BNC2: variants seen among roughly 807,000 people sequenced by gnomAD.
The protein encoded by BNC2 is zinc finger protein basonuclin-2.
A neutral mutation model predicts 76.3 loss-of-function variants in BNC2; 20 were observed. That is an observed-to-expected ratio of 0.26 (90% CI 0.18 to 0.38). BNC2 has a LOEUF of 0.38. BNC2 is among the 10% of genes least tolerant of loss of function. The pLI is 1.00. For synonymous variants in BNC2, 582 were observed against 514.8 expected, an observed-to-expected ratio of 1.13 and a Z score of -1.77; for missense variants, 1,382 against 1,399.8, an observed-to-expected ratio of 0.99 and a Z score of 0.20.
At chr9:16,866,976 G>C (rs1436032713) in intron 1 of BNC2, among the ~76,000 whole-genome samples, 1 of 152,106 alleles carries the variant, frequency 6.6e-6, no homozygotes, top group Non-Finnish European at 1.5e-5. Flanking sequence ...AAATCAGAAA[G>C]CGTTGCTCCT....
chr9:16,435,204 C>T, intron 6 of BNC2: 1 of 384,958 alleles, frequency 2.6e-6, no homozygotes, highest in Non-Finnish European at 5.0e-6. Flanking sequence ...ATAACAGAAG[C>T]TGTGGCTTCT....
chr9:16,642,179 TAATAC>T (rs977434818), intron 3 of BNC2, among the ~76,000 whole-genome samples: 6 of 152,202 alleles, frequency 3.9e-5, no homozygotes, highest in African/African-American at 1.4e-4. Flanking sequence ...ACACCTAATA[TAATAC>T]AAGTTTTGTT....
Position 16,549,484 on chromosome 9 carries a change from C to T in BNC2, c.669+3046G>A, listed in dbSNP as rs114442757. ...ATTGAGTTTTAGCCAGATAAAATGA[C>T]TTGTACACTAATAGAGCATTATGGG... On this transcript the variant is annotated intron_variant, in intron 5 of 6. Transcript: ENST00000380672. Among the ~76,000 whole-genome samples the T allele has an allele frequency of 2.3e-3, 352 of 152,312 alleles. 2 individuals are homozygous for T. Among genetic ancestry groups the T allele is most frequent in the African/African-American group, 8.2e-3 (339 of 41,566 alleles).
chr9:16,641,610 A>T (rs1821494025), intron 3 of BNC2, among the ~76,000 whole-genome samples: 1 of 152,206 alleles, frequency 6.6e-6, no homozygotes, highest in South Asian at 2.1e-4. Flanking sequence ...TTCGGATGCA[A>T]ATTACATATT....
chr9:16,597,397 C>T (rs541476536), intron 3 of BNC2, among the ~76,000 whole-genome samples: 1 of 152,252 alleles, frequency 6.6e-6, no homozygotes, highest in African/African-American at 2.4e-5. Context: ...CCCAGTTGTA[C>T]AGTGAAATTT....
At chr9:16,832,226 T>C (rs535050737) in intron 1 of BNC2, 2 of 1,193,798 alleles carry the variant, frequency 1.7e-6, no homozygotes, top group African/African-American at 1.6e-5. Flanking sequence ...TATGAAACTA[T>C]TACATGTAGT....
intron 5 of BNC2, among the ~76,000 whole-genome samples, chr9:16,449,167 C>T (rs932605254): frequency 2.6e-5 from 4 of 152,132 alleles, no homozygotes; most frequent in South Asian, 2.1e-4. Context: ...GTAATAACGG[C>T]GTCTGCGTGC....
chr9:16,575,965 G>A (rs1189425914), intron 4 of BNC2, among the ~76,000 whole-genome samples: 1 of 152,156 alleles, frequency 6.6e-6, no homozygotes, highest in Non-Finnish European at 1.5e-5. Flanking sequence ...ACCAGCTTCC[G>A]CTTTTTCCAA....
chr9:16,642,833 G>C (rs899127336), intron 3 of BNC2, among the ~76,000 whole-genome samples: 3 of 152,196 alleles, frequency 2.0e-5, no homozygotes, highest in Admixed American at 2.0e-4. Flanking sequence ...AGAAGGTACA[G>C]TTAAGTAGTT....
chr9:16,742,819 T>C (rs1824889408), intron 1 of BNC2, among the ~76,000 whole-genome samples: 1 of 152,182 alleles, frequency 6.6e-6, no homozygotes, highest in South Asian at 2.1e-4. Flanking sequence ...TAATAAATTA[T>C]TTATTAGGTG....
intron 5 of BNC2, among the ~76,000 whole-genome samples, chr9:16,499,530 C>CT (rs763681726): frequency 0.18 from 22,930 of 127,092 alleles, 2,638 homozygotes; most frequent in Non-Finnish European, 0.24. Flanking sequence ...CTTTTTTTTT[C>CT]TTTTTTTTTT....
intron 2 of BNC2, among the ~76,000 whole-genome samples, chr9:16,734,795 T>A (rs896312005): frequency 2.0e-5 from 3 of 152,234 alleles, no homozygotes; most frequent in African/African-American, 7.2e-5. Context: ...CTTCATTACA[T>A]GCCCTTAGAC....
intron 5 of BNC2, among the ~76,000 whole-genome samples, chr9:16,537,447 CCCT>C (rs747228921): frequency 2.0e-5 from 3 of 152,078 alleles, no homozygotes; most frequent in Admixed American, 6.5e-5. Flanking sequence ...TCCTCCCAAG[CCCT>C]CCTCAATAGT....
intron 2 of BNC2, among the ~76,000 whole-genome samples, chr9:16,732,426 A>G (rs542342000): frequency 6.6e-6 from 1 of 152,328 alleles, no homozygotes; most frequent in African/African-American, 2.4e-5. Context: ...TGATTTTATG[A>G]TGAAAGCATA....
At chr9:16,694,968 T>C (rs1823293539) in intron 3 of BNC2, among the ~76,000 whole-genome samples, 1 of 152,156 alleles carries the variant, frequency 6.6e-6, no homozygotes, top group African/African-American at 2.4e-5. Flanking sequence ...AAAAAGTGAA[T>C]GTAAACCCGT....
chr9:16,427,308 G>A (rs1177578770), intron 6 of BNC2, among the ~76,000 whole-genome samples: 1 of 152,130 alleles, frequency 6.6e-6, no homozygotes, highest in East Asian at 1.9e-4. Flanking sequence ...TCAAAAAGTT[G>A]GCTGCTGCTG....
rs181077616 is a variant in BNC2, at chr9:16,587,988, A to G, written c.331-4903T>C. Among the ~76,000 whole-genome samples, 14 of 152,268 alleles carry G rather than the reference A, an allele frequency of 9.2e-5. No homozygotes were observed. The East Asian group carries it at 2.7e-3, about 29-fold the overall frequency. On this transcript the variant is annotated intron_variant, in intron 3 of 6. Transcript: ENST00000380672. ...TCGATATGGGTTTGTTTTCCCCTCT[A>G]GAATTTAAGTTCCATGAGGGCAGGA...
chr9:16,826,910 T>C (rs1176257359), intron 1 of BNC2, among the ~76,000 whole-genome samples: 1 of 152,220 alleles, frequency 6.6e-6, no homozygotes, highest in Non-Finnish European at 1.5e-5. Flanking sequence ...CAAAATTCCA[T>C]ATAATACAGA....
intron 5 of BNC2, among the ~76,000 whole-genome samples, chr9:16,455,274 G>C (rs1159045999): frequency 6.6e-6 from 1 of 152,120 alleles, no homozygotes; most frequent in Non-Finnish European, 1.5e-5. Context: ...AGGGAGAAGT[G>C]GTAGAGAGCA....
Sources: gnomAD v4.1 joint callset for allele counts (sites outside exome capture counted in the v4.1 genomes callset) on GRCh38, gnomAD v4.1.1 for gene constraint, MANE v1.5 for transcripts, NCBI Gene and HGNC (gene_info 2026-07-23, HGNC 2026-07-21) for gene names.